NEBL: variants seen among roughly 807,000 people sequenced by gnomAD.
NEBL encodes LIM and SH3 protein 2.
Under a neutral mutation model 140.2 loss-of-function variants are expected in NEBL, and 122 were observed. That is an observed-to-expected ratio of 0.87 (90% CI 0.75 to 1.01). The LOEUF (loss-of-function observed/expected upper bound fraction) is 1.01, where lower values mean the gene tolerates loss of function less well. Among genes scored for constraint, NEBL ranks in the 50% least tolerant of loss-of-function variants. NEBL has a pLI of 0.00. For synonymous variants in NEBL, 436 were observed against 398.9 expected, an observed-to-expected ratio of 1.09 and a Z score of -1.11; for missense variants, 1,365 against 1,231.3, an observed-to-expected ratio of 1.11 and a Z score of -1.62.
rs779332817 is a variant in NEBL at position 20,868,707 on chromosome 10, G to A, written c.641C>T (p.Pro214Leu). ...MNKEPAVIGR[P>L]DFEHAVEASK... Reference sequence around the variant, plus strand: ...AGCTTCCACGGCATGTTCAAAATCTGGTCTTCCAATTACAGCGGGCTCTTT... The same window carrying A: ...AGCTTCCACGGCATGTTCAAAATCTAGTCTTCCAATTACAGCGGGCTCTTT... The change falls in exon 7 of 28, where the codon CCA (proline) becomes CTA (leucine). Residue 214 changes from proline to leucine, a missense_variant. By Grantham distance (98) the Pro-to-Leu change is moderately conservative. Transcript: ENST00000377122. 2 of 1,612,728 alleles carry A rather than the reference G, an allele frequency of 1.2e-6. No homozygotes were observed. Among genetic ancestry groups the A allele is most frequent in the East Asian group, 2.2e-5 (1 of 44,814 alleles).
At chr10:20,886,747 G>T (rs1174690843) in intron 4 of NEBL, among the ~76,000 whole-genome samples, 1 of 152,046 alleles carries the variant, frequency 6.6e-6, no homozygotes, top group African/African-American at 2.4e-5. Flanking sequence ...TCTAATCTGG[G>T]GACAGCTCAT....
intron 3 of NEBL, among the ~76,000 whole-genome samples, chr10:21,184,858 C>G (rs1462649566): frequency 6.6e-6 from 1 of 152,138 alleles, no homozygotes; most frequent in East Asian, 1.9e-4. Flanking sequence ...GTATAGAAAA[C>G]ATTGGCCTGG....
At chr10:20,803,811 A>AT (rs1332019142) in intron 26 of NEBL, among the ~76,000 whole-genome samples, 195 of 146,692 alleles carry the variant, frequency 1.3e-3, no homozygotes, top group African/African-American at 4.7e-3. Flanking sequence ...TCTGTACGAA[A>AT]AATATATATA....
chr10:21,151,392 G>C (rs1317032650), intron 2 of NEBL, among the ~76,000 whole-genome samples: 3 of 152,090 alleles, frequency 2.0e-5, no homozygotes. Flanking sequence ...ATGCACTCTT[G>C]TTTACACCCA....
intron 7 of NEBL, among the ~76,000 whole-genome samples, chr10:20,861,333 A>G (rs968078220): frequency 6.6e-6 from 1 of 152,078 alleles, no homozygotes; most frequent in Admixed American, 6.5e-5. Flanking sequence ...GCTCGCCACC[A>G]CGCTCAGCTA....
intron 2 of NEBL, among the ~76,000 whole-genome samples, chr10:21,096,170 A>G (rs567068214): frequency 1.3e-5 from 2 of 152,336 alleles, no homozygotes; most frequent in South Asian, 2.1e-4. Flanking sequence ...AAAAGCATAC[A>G]TGGAAAGAAA....
chr10:21,057,542 C>CTTTTT lies in NEBL; in HGVS notation c.165-37346_165-37342dup, dbSNP rs5783764. ...TGATACCTAATAGCCAATGAAATTC[C>CTTTTT]TTTTTTTTTTTTTTTTTTTTTTTTT... On this transcript the variant is annotated intron_variant, in intron 2 of 6. Transcript: ENST00000417816. 1.2e-3 allele frequency among the ~76,000 whole-genome samples: 86 copies of CTTTTT among 71,748 alleles called. 1 individual carries two copies. Among genetic ancestry groups the CTTTTT allele is most frequent in the East Asian group, 6.7e-3 (14 of 2,082 alleles). 47.1% of individuals were successfully genotyped at this position (71,748 alleles called of 152,430 possible).
chr10:21,138,003 G>A (rs889484896), intron 2 of NEBL, among the ~76,000 whole-genome samples: 1 of 151,734 alleles, frequency 6.6e-6, no homozygotes, highest in East Asian at 1.9e-4. Flanking sequence ...AGTGGATGGA[G>A]AGGAGCCCAG....
intron 4 of NEBL, among the ~76,000 whole-genome samples, chr10:20,917,832 A>G (rs1833382311): frequency 6.6e-6 from 1 of 152,174 alleles, no homozygotes; most frequent in African/African-American, 2.4e-5. Flanking sequence ...TTCTATACTA[A>G]CTGAAGAAAA....
intron 5 of NEBL, among the ~76,000 whole-genome samples, chr10:20,876,623 C>A (rs1845526926): frequency 6.6e-6 from 1 of 152,152 alleles, no homozygotes; most frequent in African/African-American, 2.4e-5. Context: ...CTGAATACTT[C>A]TTTCTAATAC....
At chr10:21,205,521 T>A (rs978150350) in intron 3 of NEBL, among the ~76,000 whole-genome samples, 3 of 152,144 alleles carry the variant, frequency 2.0e-5, no homozygotes, top group Non-Finnish European at 4.4e-5. Flanking sequence ...GAAAAAATAC[T>A]CATGATGTAA....
intron 22 of NEBL, 63 bp from the exon 23 acceptor site, chr10:20,814,106 C>T: frequency 9.7e-7 from 1 of 1,025,652 alleles, no homozygotes; most frequent in South Asian, 1.3e-5. Flanking sequence ...CATTTTTAAG[C>T]TTTACAAATG....
chr10:20,787,299 A>T lies in NEBL; in HGVS notation c.2771T>A (p.Leu924His). 1 of 1,612,582 alleles carries T rather than the reference A, an allele frequency of 6.2e-7. No homozygotes were observed. The highest frequency in any genetic ancestry group is 8.5e-7 in the Non-Finnish European group (1 of 1,179,058). Residue 924 changes from leucine to histidine, a missense_variant, in exon 27 of 28, where the codon CTT (leucine) becomes CAT (histidine). Coordinates refer to ENST00000377122, the MANE Select transcript of NEBL (RefSeq NM_006393.3). Reference protein sequence around the residue: ...TRPSDEGAPVLPGAYQQSHSQ... With the variant: ...TRPSDEGAPVHPGAYQQSHSQ... Reference sequence around the variant, plus strand: ...ATGGCTTTGCTGATAGGCTCCGGGAAGAACAGGTGCTGCATGTTAAACATA... The same window carrying T: ...ATGGCTTTGCTGATAGGCTCCGGGATGAACAGGTGCTGCATGTTAAACATA...
chr10:20,827,387 G>A (rs1169521228), intron 17 of NEBL, among the ~76,000 whole-genome samples: 3 of 152,148 alleles, frequency 2.0e-5, no homozygotes, highest in Non-Finnish European at 4.4e-5. Flanking sequence ...TCCCTGTGGA[G>A]ACCCAGCAGA....
chr10:20,892,838 T>C (rs1847141424), intron 2 of NEBL, among the ~76,000 whole-genome samples: 1 of 152,216 alleles, frequency 6.6e-6, no homozygotes, highest in Admixed American at 6.5e-5. Flanking sequence ...TGAAAGTATC[T>C]GGAAAGGCTC....
intron 3 of NEBL, among the ~76,000 whole-genome samples, chr10:20,980,617 C>T (rs766255971): frequency 3.9e-5 from 6 of 152,038 alleles, no homozygotes; most frequent in Non-Finnish European, 8.8e-5. Flanking sequence ...AGCCAGGGGC[C>T]CTAGAACAGA....
At chr10:20,846,375 AG>A (rs1564377479) in intron 11 of NEBL, among the ~76,000 whole-genome samples, 1 of 152,226 alleles carries the variant, frequency 6.6e-6, no homozygotes, top group Non-Finnish European at 1.5e-5. Context: ...TTATAGAGAT[AG>A]GTAATTTTAT....
At chr10:20,891,914 T>C (rs993616681) in intron 2 of NEBL, among the ~76,000 whole-genome samples, 1 of 152,210 alleles carries the variant, frequency 6.6e-6, no homozygotes, top group African/African-American at 2.4e-5. Flanking sequence ...AAATATTAGA[T>C]ACATATTAGT....
intron 4 of NEBL, among the ~76,000 whole-genome samples, chr10:20,955,392 C>G (rs1008235143): frequency 1.3e-5 from 2 of 152,156 alleles, no homozygotes; most frequent in African/African-American, 4.8e-5. Flanking sequence ...ATCACTGTAG[C>G]TGGGTTTGAG....
Sources: allele counts gnomAD v4.1 joint callset (sites outside exome capture counted in the v4.1 genomes callset), GRCh38; gene constraint gnomAD v4.1.1; transcripts MANE v1.5; gene names NCBI Gene and HGNC (gene_info 2026-07-23, HGNC 2026-07-21).